ACSBG2: variants seen among roughly 807,000 people sequenced by gnomAD.
ACSBG2 encodes long-chain-fatty-acid--CoA ligase ACSBG2.
ACSBG2 carries 62 observed loss-of-function variants against 74.7 expected under a neutral mutation model. The ratio of observed to expected loss-of-function variants is 0.83; its 90% CI spans 0.68 to 1.03. ACSBG2 has a LOEUF of 1.03. Ranked by LOEUF, ACSBG2 falls within the 50% of genes least tolerant of loss-of-function variation. ACSBG2 has a pLI of 0.00. For missense variants in ACSBG2, 730 were observed against 817.6 expected (o/e 0.89, Z 1.31); for synonymous variants, 309 against 294.1 (o/e 1.05, Z -0.52).
At chr19:6,162,444 G>A (rs1370801235) in intron 6 of ACSBG2, among the ~76,000 whole-genome samples, 4 of 150,778 alleles carry the variant, frequency 2.7e-5, no homozygotes, top group African/African-American at 7.3e-5. Context: ...GTGGGCGCCT[G>A]TAGTCCCAGC....
intron 5 of ACSBG2, among the ~76,000 whole-genome samples, chr19:6,159,792 C>T (rs72978009): frequency 5.9e-5 from 9 of 152,334 alleles, no homozygotes; most frequent in Non-Finnish European, 1.3e-4. Flanking sequence ...CCTCACCATT[C>T]TTTCATGCCC....
Position 6,174,948 on chromosome 19 carries a change from C to T in ACSBG2, c.739-2281C>T, listed in dbSNP as rs939086636. ...ACATTTTAACTCCCCACTAAAACCC[C>T]ACGAGGAAAATTTTGTCACTAACCC... On this transcript the variant is annotated intron_variant, in intron 7 of 14. Transcript: ENST00000588485. The surrounding 1 kb of genome is among the most constrained non-coding windows in gnomAD (Gnocchi z 4.2). Among the ~76,000 whole-genome samples, 1 of 152,174 alleles carries T rather than the reference C, an allele frequency of 6.6e-6. No homozygotes were observed. Among genetic ancestry groups the T allele is most frequent in the Non-Finnish European group, 1.5e-5 (1 of 68,038 alleles).
chr19:6,183,006 C>T, intron 9 of ACSBG2, 33 bp from the exon 10 acceptor site: 1 of 1,613,108 alleles, frequency 6.2e-7, no homozygotes, highest in East Asian at 2.2e-5. Flanking sequence ...GTCCCATCAG[C>T]CCTTCTCCAC....
intron 6 of ACSBG2, among the ~76,000 whole-genome samples, chr19:6,162,527 A>G (rs1014603207): frequency 2.2e-5 from 3 of 138,500 alleles, no homozygotes; most frequent in African/African-American, 7.9e-5. Context: ...AGATCGCGCC[A>G]CTGCACTCCA....
rs765988662 is a variant in ACSBG2 at position 6,151,602 on chromosome 19, C to T, written c.298-105C>T. ...CTAGGATTACAGGTGTGAGCCACTG[C>T]GCCTGGCCTCCATGTGACTACCTTT... On this transcript the variant is annotated intron_variant, in intron 3 of 14. Transcript: ENST00000588485. The T allele has an allele frequency of 2.9e-5, 32 of 1,100,166 alleles. No homozygotes were observed. The African/African-American group carries it at 3.2e-4, about 11-fold the overall frequency. 68.2% of individuals were successfully genotyped at this position (1,100,166 alleles called of 1,614,324 possible). A position where few individuals can be genotyped will look rare whatever the true frequency, so the allele number is the denominator to read the frequency against.
chr19:6,147,997 C>G (rs1337022856), intron 3 of ACSBG2, among the ~76,000 whole-genome samples: 3 of 152,198 alleles, frequency 2.0e-5, no homozygotes, highest in Non-Finnish European at 4.4e-5. Flanking sequence ...AACATACTAT[C>G]TCTATGTTTT....
chr19:6,147,680 GATTC>G lies in ACSBG2; in HGVS notation c.297+18_297+21del. 6.2e-7 allele frequency: 1 copy of G among 1,608,584 alleles called. No homozygotes were observed. The highest frequency in any genetic ancestry group is 8.5e-7 in the Non-Finnish European group (1 of 1,174,920). Reference sequence around the variant, plus strand: ...GCTGCAAAATCCTTGATCAAGGTAAGATTCATTCATTCATTCTCCTTTGTTCAAC... The same window carrying G: ...GCTGCAAAATCCTTGATCAAGGTAAGATTCATTCATTCTCCTTTGTTCAAC... On this transcript the variant is annotated splice_donor_region_variant and intron_variant, in intron 3 of 14. Transcript: ENST00000588485.
At chr19:6,141,061 T>C (rs192184530) in intron 1 of ACSBG2, among the ~76,000 whole-genome samples, 2 of 152,314 alleles carry the variant, frequency 1.3e-5, no homozygotes, top group East Asian at 3.9e-4. Context: ...TTGTTGTTGA[T>C]CTCTTGATTT....
At chr19:6,187,466 T>A (rs2090440183) in intron 12 of ACSBG2, 44 bp downstream of exon 12, 1 of 1,609,804 alleles carries the variant, frequency 6.2e-7, no homozygotes, top group Admixed American at 1.7e-5. Context: ...CTGCAGCCGG[T>A]CTTGGGTTCC....
rs201845150 is a variant in ACSBG2 at position 6,183,054 on chromosome 19, C to T, written c.1104C>T (p.Pro368=). The T allele has an allele frequency of 5.9e-5, 96 of 1,614,118 alleles. No individual in the cohort carries two copies. The South Asian group carries it at 6.9e-4, about 12-fold the overall frequency. Residue 368 remains proline, a synonymous_variant, in exon 10 of 15, where the codon CCC becomes CCT. Coordinates refer to ENST00000588485, the MANE Select transcript of ACSBG2 (RefSeq NM_030924.5). ...TTATTCACAGGAAATATAATACTCC[C>T]GTGAGCTACCGCATGGCTAAGACTC... ...SKKMLGKYNT[P]VSYRMAKTLV...
chr19:6,136,755 G>C (rs1325600664), intron 1 of ACSBG2, among the ~76,000 whole-genome samples: 2 of 152,254 alleles, frequency 1.3e-5, no homozygotes, highest in Non-Finnish European at 2.9e-5. Context: ...ATAAATATCT[G>C]TGTGCCCTTT....
In ACSBG2 at chr19:6,183,056, T is replaced by C; in HGVS notation, c.1106T>C (p.Val369Ala). 3 of 1,610,364 alleles carry C rather than the reference T, an allele frequency of 1.9e-6. No homozygotes were observed. The highest frequency in any genetic ancestry group is 2.2e-5 in the South Asian group (2 of 91,016). The change falls in exon 10 of 15, where the codon GTG becomes GCG. Residue 369 changes from valine (V) to alanine (A), a missense_variant. Val to Ala is a moderately conservative substitution (Grantham distance 64). Coordinates refer to ENST00000588485, the MANE Select transcript of ACSBG2 (RefSeq NM_030924.5). ...KKMLGKYNTP[V>A]SYRMAKTLVF... Reference sequence around the variant, plus strand: ...ATTCACAGGAAATATAATACTCCCGTGAGCTACCGCATGGCTAAGACTCTC... The same window carrying C: ...ATTCACAGGAAATATAATACTCCCGCGAGCTACCGCATGGCTAAGACTCTC...
intron 7 of ACSBG2, among the ~76,000 whole-genome samples, chr19:6,173,134 C>T (rs1377032347): frequency 1.3e-5 from 2 of 152,148 alleles, no homozygotes; most frequent in Non-Finnish European, 2.9e-5. Flanking sequence ...TGGTGGGCTG[C>T]ATTCTCCTCC....
intron 14 of ACSBG2, chr19:6,191,241 GT>G (rs772147117): frequency 0.035 from 5,003 of 143,376 alleles, 163 homozygotes; most frequent in African/African-American, 0.084. Context: ...TTATTGAGGT[GT>G]TTTTTTTTTT....
intron 6 of ACSBG2, chr19:6,161,657 T>C: frequency 5.2e-6 from 1 of 190,764 alleles, no homozygotes; most frequent in Admixed American, 5.7e-5. Flanking sequence ...GGGTGGGGCT[T>C]CATAAATGTA....
chr19:6,141,445 A>T, intron 1 of ACSBG2, 68 bp from the exon 2 acceptor site: 1 of 770,780 alleles, frequency 1.3e-6, no homozygotes, highest in Middle Eastern at 2.3e-4. Flanking sequence ...CAGTGGATGG[A>T]AGAGTTGGCC....
At chr19:6,178,691 T>C (rs2090157787) in intron 8 of ACSBG2, among the ~76,000 whole-genome samples, 1 of 152,162 alleles carries the variant, frequency 6.6e-6, no homozygotes, top group African/African-American at 2.4e-5. Context: ...CATTATTTTT[T>C]TCCTCCATCC....
At chr19:6,173,575 G>T (rs532479686) in intron 7 of ACSBG2, among the ~76,000 whole-genome samples, 1 of 152,206 alleles carries the variant, frequency 6.6e-6, no homozygotes, top group African/African-American at 2.4e-5. Context: ...CTCAGGAGCT[G>T]ATCTTTGACA....
chr19:6,192,497 A>C (rs940354580), intron 14 of ACSBG2, among the ~76,000 whole-genome samples, 171 bp from the exon 15 acceptor site: 1 of 152,190 alleles, frequency 6.6e-6, no homozygotes, highest in African/African-American at 2.4e-5. Flanking sequence ...TTTCTTGTGG[A>C]TAGTGCCACT....
Sources: gnomAD v4.1 joint callset for allele counts (sites outside exome capture counted in the v4.1 genomes callset) on GRCh38, gnomAD v4.1.1 for gene constraint, Gnocchi (gnomAD v3.1) non-coding constraint, MANE v1.5 for transcripts, NCBI Gene and HGNC (gene_info 2026-07-23, HGNC 2026-07-21) for gene names.